Variants in TBX20 observed in about 807,000 individuals in gnomAD.
TBX20 encodes T-box transcription factor TBX20.
Under a neutral mutation model 42.9 loss-of-function variants are expected in TBX20, and 8 were observed. The ratio of observed to expected loss-of-function variants is 0.19; its 90% CI spans 0.11 to 0.34. TBX20 has a LOEUF of 0.34. Among genes scored for constraint, TBX20 ranks in the 10% least tolerant of loss-of-function variants. The pLI is 1.00. For synonymous variants in TBX20, 198 were observed against 222.8 expected, an observed-to-expected ratio of 0.89 and a Z score of 0.99; for missense variants, 411 against 566.0, an observed-to-expected ratio of 0.73 and a Z score of 2.78.
At chr7:35,231,621 T>C (rs1353448384) in intron 5 of TBX20, 41 bp from the exon 6 acceptor site, 1 of 1,317,402 alleles carries the variant, frequency 7.6e-7, no homozygotes, top group Admixed American at 1.7e-5. Flanking sequence ...ATTTATGAGG[T>C]CAAGGAAGTA....
intron 5 of TBX20, among the ~76,000 whole-genome samples, chr7:35,240,545 A>C (rs1051264055): frequency 7.2e-5 from 11 of 152,164 alleles, no homozygotes; most frequent in Non-Finnish European, 1.6e-4. Flanking sequence ...AAATTTTATG[A>C]AGCAACAAGA....
intron 6 of TBX20, among the ~76,000 whole-genome samples, chr7:35,215,038 T>G (rs1789559371): frequency 6.6e-6 from 1 of 152,210 alleles, no homozygotes; most frequent in African/African-American, 2.4e-5. Context: ...GCCCACTTAA[T>G]AAGATCATTT....
chr7:35,243,409 T>G (rs551539842), intron 4 of TBX20, among the ~76,000 whole-genome samples: 1 of 152,194 alleles, frequency 6.6e-6, no homozygotes, highest in African/African-American at 2.4e-5. Context: ...TTAGAGCTAT[T>G]ACTACCCAAC....
At chr7:35,227,157 G>A (rs1475626026) in intron 6 of TBX20, among the ~76,000 whole-genome samples, 1 of 151,740 alleles carries the variant, frequency 6.6e-6, no homozygotes, top group Non-Finnish European at 1.5e-5. Context: ...TTTTTGTACA[G>A]TTGTACAATG....
intron 5 of TBX20, among the ~76,000 whole-genome samples, chr7:35,236,315 T>C (rs1182041674): frequency 6.6e-6 from 1 of 151,360 alleles, no homozygotes; most frequent in African/African-American, 2.4e-5. Flanking sequence ...TTCTTCTCCC[T>C]CTTTGTTCTT....
rs369044150 is a variant in TBX20, at chr7:35,250,106, C to T, written c.225G>A (p.Pro75=). 111 of 1,613,438 alleles carry T rather than the reference C, an allele frequency of 6.9e-5. No homozygotes were observed. In the African/African-American group the frequency reaches 7.5e-4, roughly 11 times the overall value. The change falls in exon 2 of 8, where the codon CCG becomes CCA. Residue 75 remains proline, a synonymous_variant. Coordinates refer to ENST00000408931, the MANE Select transcript of TBX20 (RefSeq NM_001077653.2). ...GCTCAGTGCACAGAGAGGAGGAGGACGGGCTGCTGCCACTGCCTCCACCAA... is the reference window on the plus strand; with the variant it reads ...GCTCAGTGCACAGAGAGGAGGAGGATGGGCTGCTGCCACTGCCTCCACCAA... The part of the protein sequence containing the change: ...GEFGGGSGSS[P]SSSSLCTEPL...
At chr7:35,215,587 C>T (rs1426969717) in intron 6 of TBX20, among the ~76,000 whole-genome samples, 1 of 152,096 alleles carries the variant, frequency 6.6e-6, no homozygotes, top group East Asian at 1.9e-4. Flanking sequence ...TTTTAGTAGA[C>T]TTAACTTTGG....
At chr7:35,214,933 G>A (rs898815752) in intron 6 of TBX20, among the ~76,000 whole-genome samples, 12 of 152,082 alleles carry the variant, frequency 7.9e-5, no homozygotes, top group African/African-American at 1.9e-4. Flanking sequence ...TTTTTCTAAG[G>A]TGTATTCCTC....
intron 6 of TBX20, among the ~76,000 whole-genome samples, chr7:35,212,233 T>C (rs1187536269): frequency 6.6e-6 from 1 of 152,250 alleles, no homozygotes; most frequent in Non-Finnish European, 1.5e-5. Context: ...TTTTTCATTT[T>C]ATACATTGCA....
intron 7 of TBX20, among the ~76,000 whole-genome samples, chr7:35,203,333 T>C (rs534778722): frequency 6.6e-6 from 1 of 152,172 alleles, no homozygotes; most frequent in Non-Finnish European, 1.5e-5. Context: ...TTCACTACAA[T>C]TTACACTGAG....
chr7:35,247,604 G>A lies in TBX20; in HGVS notation c.545+1073C>T, dbSNP rs1790218707. Among the ~76,000 whole-genome samples, 4 of 152,212 alleles carry A rather than the reference G, an allele frequency of 2.6e-5. 1 individual carries two copies. The South Asian group carries it at 8.3e-4, about 32-fold the overall frequency. On this transcript the variant is annotated intron_variant, in intron 3 of 7. Coordinates refer to ENST00000408931, the MANE Select transcript of TBX20 (RefSeq NM_001077653.2). ...TGAACCATATGTGTAATTGTCTGTT[G>A]ATTCTCTGCCTTGACTATGACTCCA...
At chr7:35,229,430 A>G (rs1325490175) in intron 6 of TBX20, among the ~76,000 whole-genome samples, 1 of 152,160 alleles carries the variant, frequency 6.6e-6, no homozygotes, top group Non-Finnish European at 1.5e-5. Flanking sequence ...TCAGACTTAA[A>G]TATCTGGAAA....
chr7:35,231,161 A>C (rs1288050061), intron 6 of TBX20, among the ~76,000 whole-genome samples: 1 of 152,224 alleles, frequency 6.6e-6, no homozygotes, highest in Admixed American at 6.5e-5. Flanking sequence ...GTAAAAGGCT[A>C]TCACGGTTCT....
chr7:35,219,518 G>A (rs1257342393), intron 6 of TBX20, among the ~76,000 whole-genome samples: 1 of 152,156 alleles, frequency 6.6e-6, no homozygotes, highest in African/African-American at 2.4e-5. Flanking sequence ...TACCCAGCAG[G>A]TGCCAGGCTG....
chr7:35,204,655 A>G (rs2128709771), intron 6 of TBX20, 73 bp from the exon 7 acceptor site: 1 of 1,145,340 alleles, frequency 8.7e-7, no homozygotes, highest in East Asian at 2.4e-5. Context: ...TCTTAGAGGT[A>G]ACTCACTAAT....
At chr7:35,240,760 G>T in intron 5 of TBX20, 119 bp downstream of exon 5, 2 of 907,364 alleles carry the variant, frequency 2.2e-6, no homozygotes, top group Non-Finnish European at 3.5e-6. Flanking sequence ...AAACTCAATA[G>T]CTCTCTGCAA....
chr7:35,237,037 T>C (rs541647497), intron 5 of TBX20, among the ~76,000 whole-genome samples: 143 of 129,936 alleles, frequency 1.1e-3, no homozygotes, highest in African/African-American at 3.6e-3. Context: ...ACACTGTCAG[T>C]GGTCACTTCC....
rs932250892 is a variant in TBX20, at chr7:35,237,774, C to G, written c.813+3105G>C. 3.0e-3 allele frequency among the ~76,000 whole-genome samples: 449 copies of G among 152,156 alleles called. 6 individuals carry two copies. Among genetic ancestry groups the G allele is most frequent in the Middle Eastern group, 3.4e-3 (1 of 294 alleles). On this transcript the variant is annotated intron_variant, in intron 5 of 7. Transcript: ENST00000408931. ...TTAAAGATGTGGTTCCAGTTGGATACAGCGAGTACTAGCAGATATTCTGAC... is the reference window on the plus strand; with the variant it reads ...TTAAAGATGTGGTTCCAGTTGGATAGAGCGAGTACTAGCAGATATTCTGAC...
At chr7:35,209,062 C>T (rs979596136) in intron 6 of TBX20, among the ~76,000 whole-genome samples, 9 of 152,130 alleles carry the variant, frequency 5.9e-5, no homozygotes, top group African/African-American at 2.2e-4. Flanking sequence ...CAGTCCTGAA[C>T]TAGGCCCTAG....
Sources: gnomAD v4.1 joint callset for allele counts (sites outside exome capture counted in the v4.1 genomes callset) on GRCh38, gnomAD v4.1.1 for gene constraint, MANE v1.5 for transcripts, NCBI Gene and HGNC (gene_info 2026-07-23, HGNC 2026-07-21) for gene names.